Variants in SNX29 observed in about 807,000 individuals in gnomAD.
The protein encoded by SNX29 is sorting nexin-29.
SNX29 carries 78 observed loss-of-function variants against 102.1 expected under a neutral mutation model. The observed-to-expected ratio is 0.76, with a 90% CI of 0.64 to 0.92. The LOEUF is 0.92. Ranked by LOEUF, SNX29 falls within the 40% of genes least tolerant of loss-of-function variation. The pLI, the probability that SNX29 is intolerant of heterozygous loss-of-function variation, is 0.00. For synonymous variants in SNX29, 580 were observed against 414.5 expected (o/e 1.40, Z -4.85); for missense variants, 1,280 against 1,061.7 (o/e 1.21, Z -2.86).
chr16:11,987,520 C>T (rs2055679369), intron 1 of SNX29, among the ~76,000 whole-genome samples: 1 of 151,648 alleles, frequency 6.6e-6, no homozygotes, highest in South Asian at 2.1e-4. Flanking sequence ...CCTTAGACTC[C>T]CGAGTAGCTG....
At chr16:12,492,056 G>A (rs1327720937) in intron 19 of SNX29, among the ~76,000 whole-genome samples, 3 of 152,144 alleles carry the variant, frequency 2.0e-5, no homozygotes, top group Admixed American at 2.0e-4. Context: ...GTAATGGGAT[G>A]GCTGGGTCAG....
intron 19 of SNX29, among the ~76,000 whole-genome samples, chr16:12,519,542 A>C (rs969303081): frequency 2.0e-5 from 3 of 152,232 alleles, no homozygotes; most frequent in Non-Finnish European, 4.4e-5. Flanking sequence ...ATACACACTG[A>C]AGTATTTAGG....
intron 20 of SNX29, among the ~76,000 whole-genome samples, chr16:12,550,494 CATTACA>C: frequency 7.0e-6 from 1 of 142,034 alleles, no homozygotes; most frequent in Non-Finnish European, 1.5e-5. Flanking sequence ...GACATTGTGT[CATTACA>C]TTCCAGTCTG....
At chr16:12,057,226 A>G (rs2050557414) in intron 8 of SNX29, among the ~76,000 whole-genome samples, 1 of 152,240 alleles carries the variant, frequency 6.6e-6, no homozygotes, top group African/African-American at 2.4e-5. Flanking sequence ...GCTATTCTGC[A>G]TCTCACTAGC....
intron 16 of SNX29, among the ~76,000 whole-genome samples, chr16:12,389,482 T>A (rs2083448983): frequency 6.6e-6 from 1 of 152,196 alleles, no homozygotes; most frequent in South Asian, 2.1e-4. Flanking sequence ...CCATGTAAGA[T>A]GTGACTTGCT....
At chr16:12,324,655 T>G (rs1449905347) in intron 15 of SNX29, among the ~76,000 whole-genome samples, 1 of 152,090 alleles carries the variant, frequency 6.6e-6, no homozygotes, top group Admixed American at 6.5e-5. Flanking sequence ...ATTGATCCCC[T>G]TCCCCTCTCC....
At chr16:12,062,614 TCAGAA>T (rs2151274185) in intron 9 of SNX29, among the ~76,000 whole-genome samples, 1 of 152,210 alleles carries the variant, frequency 6.6e-6, no homozygotes, top group South Asian at 2.1e-4. Flanking sequence ...GTCCCTGCCC[TCAGAA>T]CACCGCTGGG....
At chr16:12,356,385 G>C in intron 16 of SNX29, 106 bp downstream of exon 16, 1 of 1,005,668 alleles carries the variant, frequency 9.9e-7, no homozygotes, top group Non-Finnish European at 1.5e-6. Flanking sequence ...CCACTGGCCA[G>C]ATTTGCCCAC....
intron 3 of SNX29, among the ~76,000 whole-genome samples, chr16:12,015,373 T>C (rs1201364883): frequency 6.6e-6 from 1 of 152,110 alleles, no homozygotes; most frequent in African/African-American, 2.4e-5. Context: ...CCGGAGTAGC[T>C]GGGATTACAG....
intron 20 of SNX29, among the ~76,000 whole-genome samples, chr16:12,544,738 G>A (rs563859611): frequency 7.9e-5 from 12 of 152,302 alleles, no homozygotes; most frequent in African/African-American, 2.9e-4. Context: ...CCTCGGCCCA[G>A]AGAGGTGAAG....
At chr16:11,999,852 G>C (rs2056223181) in intron 2 of SNX29, among the ~76,000 whole-genome samples, 1 of 151,932 alleles carries the variant, frequency 6.6e-6, no homozygotes, top group African/African-American at 2.4e-5. Context: ...AGTGAGCTGA[G>C]ATTGCGCCAC....
intron 16 of SNX29, among the ~76,000 whole-genome samples, chr16:12,365,997 G>A (rs906161552): frequency 1.0e-4 from 14 of 135,212 alleles, no homozygotes; most frequent in South Asian, 9.4e-4. Flanking sequence ...AGCAGAGATC[G>A]TGCCACTGCA....
chr16:12,542,637 C>G (rs746402476), intron 20 of SNX29, among the ~76,000 whole-genome samples: 4 of 152,216 alleles, frequency 2.6e-5, no homozygotes, highest in Non-Finnish European at 4.4e-5. Flanking sequence ...CAGTGTGGGT[C>G]TAACACTTAA....
intron 3 of SNX29, among the ~76,000 whole-genome samples, chr16:12,008,942 A>G (rs555191692): frequency 6.6e-6 from 1 of 151,588 alleles, no homozygotes; most frequent in Non-Finnish European, 1.5e-5. Context: ...GGGTTTCACT[A>G]TGTTGGTCAG....
chr16:12,318,333 A>G (rs2080819897), intron 15 of SNX29, among the ~76,000 whole-genome samples: 1 of 152,158 alleles, frequency 6.6e-6, no homozygotes. Context: ...TCGTGACTCA[A>G]AATTTTCTCT....
intron 14 of SNX29, among the ~76,000 whole-genome samples, chr16:12,226,117 C>A (rs1314751799): frequency 4.6e-5 from 7 of 152,206 alleles, no homozygotes; most frequent in African/African-American, 1.7e-4. Flanking sequence ...TTCGAACTTA[C>A]ATCATCTGAA....
At chr16:12,007,641 G>C (rs932304273) in intron 3 of SNX29, among the ~76,000 whole-genome samples, 3 of 152,160 alleles carry the variant, frequency 2.0e-5, no homozygotes, top group African/African-American at 7.2e-5. Flanking sequence ...CCCTGGAGTT[G>C]AGCTCAAATC....
intron 14 of SNX29, among the ~76,000 whole-genome samples, chr16:12,203,575 G>A (rs1336167673): frequency 1.3e-5 from 2 of 152,028 alleles, no homozygotes; most frequent in Non-Finnish European, 2.9e-5. Context: ...GTTGTGTAGT[G>A]TGGCCTTGCT....
At chr16:12,191,710 A>C (rs2076647267) in intron 13 of SNX29, among the ~76,000 whole-genome samples, 1 of 152,250 alleles carries the variant, frequency 6.6e-6, no homozygotes, top group Non-Finnish European at 1.5e-5. Flanking sequence ...GTTAGGGAAA[A>C]ATGGTTTTTC....
Sources: allele counts gnomAD v4.1 joint callset (sites outside exome capture counted in the v4.1 genomes callset), GRCh38; gene constraint gnomAD v4.1.1; transcripts MANE v1.5; gene names NCBI Gene and HGNC (gene_info 2026-07-23, HGNC 2026-07-21).